Variants in PDE4B observed in about 807,000 individuals in gnomAD.
PDE4B encodes the protein phosphodiesterase 4B, also known as 3',5'-cyclic-AMP phosphodiesterase 4B.
A neutral mutation model predicts 82.2 loss-of-function variants in PDE4B; 20 were observed. The ratio of observed to expected loss-of-function variants is 0.24; its 90% CI spans 0.17 to 0.35. The LOEUF is 0.35. PDE4B is among the 10% of genes least tolerant of loss of function. The probability of loss-of-function intolerance (pLI) is 1.00; values close to 1 mark genes in which losing one functional copy is unlikely to be tolerated. For synonymous variants in PDE4B, 320 were observed against 318.9 expected (o/e 1.00, Z -0.04); for missense variants, 655 against 907.2 (o/e 0.72, Z 3.57).
Position 66,226,934 on chromosome 1 carries a change from G to A in PDE4B, c.282-20526G>A, listed in dbSNP as rs191594132. Among the ~76,000 whole-genome samples, 165 of 152,284 alleles carry A rather than the reference G, an allele frequency of 1.1e-3. 1 individual carries two copies. Among genetic ancestry groups the A allele is most frequent in the Non-Finnish European group, 2.0e-3 (134 of 68,008 alleles). The stretch of plus-strand genomic sequence containing the variant: ...TTGAGTGAGGTTTGGAACTATTAAA[G>A]TGAACAGAATTACAAGGATAGGACA... On this transcript the variant is annotated intron_variant, in intron 3 of 16. Transcript: ENST00000341517.
chr1:66,005,103 G>T lies in PDE4B; in HGVS notation c.281+86268G>T, dbSNP rs143802455. 3.9e-5 allele frequency among the ~76,000 whole-genome samples: 6 copies of T among 152,144 alleles called. No individual in the cohort carries two copies. The East Asian group carries it at 1.2e-3, about 29-fold the overall frequency. The stretch of plus-strand genomic sequence containing the variant: ...AAAGAGCTTGACTTAAGTGCCGCAG[G>T]TGTATTTCGGTATATGTAAAGAGCA... On this transcript the variant is annotated intron_variant, in intron 3 of 16. Coordinates refer to ENST00000341517, the MANE Select transcript of PDE4B (RefSeq NM_002600.4).
intron 1 of PDE4B, among the ~76,000 whole-genome samples, chr1:65,822,546 A>G (rs995345594): frequency 2.6e-5 from 4 of 152,150 alleles, no homozygotes; most frequent in Non-Finnish European, 5.9e-5. Flanking sequence ...CAAAATTTGC[A>G]TGTTAGAACT....
chr1:66,309,362 C>A (rs1162221778), intron 7 of PDE4B, among the ~76,000 whole-genome samples: 1 of 152,198 alleles, frequency 6.6e-6, no homozygotes, highest in Non-Finnish European at 1.5e-5. Flanking sequence ...TGCTCAACCT[C>A]CCTTGAGACT....
At chr1:66,357,700 A>G (rs994018694) in intron 9 of PDE4B, among the ~76,000 whole-genome samples, 29 of 152,214 alleles carry the variant, frequency 1.9e-4, no homozygotes, top group Middle Eastern at 3.4e-3. Context: ...CCCATCAAAC[A>G]GACTAGACGG....
intron 1 of PDE4B, among the ~76,000 whole-genome samples, chr1:65,909,745 A>G (rs1281782766): frequency 6.6e-6 from 1 of 152,180 alleles, no homozygotes; most frequent in African/African-American, 2.4e-5. Context: ...TTTATAAGGG[A>G]CAGTAATCTC....
intron 1 of PDE4B, among the ~76,000 whole-genome samples, chr1:65,885,750 T>C (rs1253500192): frequency 6.6e-6 from 1 of 151,830 alleles, no homozygotes; most frequent in African/African-American, 2.4e-5. Context: ...TTAGGAGATA[T>C]ACCTAATGTA....
chr1:66,033,017 C>T (rs1263590427), intron 3 of PDE4B, among the ~76,000 whole-genome samples: 2 of 152,258 alleles, frequency 1.3e-5, no homozygotes, highest in South Asian at 2.1e-4. Flanking sequence ...TCGCTTCCTT[C>T]TCTTCTTCCT....
intron 3 of PDE4B, among the ~76,000 whole-genome samples, chr1:66,204,273 C>T (rs1166353151): frequency 1.3e-5 from 2 of 152,236 alleles, no homozygotes; most frequent in African/African-American, 4.8e-5. Flanking sequence ...CAGTACCTCC[C>T]AGTTAGGCTG....
chr1:66,228,409 G>A (rs1651636764), intron 3 of PDE4B, among the ~76,000 whole-genome samples: 3 of 152,084 alleles, frequency 2.0e-5, no homozygotes, highest in South Asian at 4.2e-4. Context: ...CGGATCACGA[G>A]GTCAGGAGAT....
At chr1:66,056,783 G>T (rs1326728860) in intron 3 of PDE4B, among the ~76,000 whole-genome samples, 1 of 152,108 alleles carries the variant, frequency 6.6e-6, no homozygotes, top group African/African-American at 2.4e-5. Flanking sequence ...AAGAAATGCA[G>T]GTCATGTTTG....
intron 3 of PDE4B, among the ~76,000 whole-genome samples, chr1:66,164,779 C>T (rs1646694788): frequency 8.9e-6 from 1 of 111,974 alleles, no homozygotes. Flanking sequence ...TTTTTTGAGA[C>T]AGAGTCTCGC....
intron 3 of PDE4B, among the ~76,000 whole-genome samples, chr1:65,964,919 A>C (rs1649735670): frequency 6.6e-6 from 1 of 151,830 alleles, no homozygotes; most frequent in African/African-American, 2.4e-5. Context: ...ATATCTGGGG[A>C]GAGTGATTAA....
chr1:66,278,663 T>A (rs796488638), intron 7 of PDE4B, among the ~76,000 whole-genome samples: 2 of 152,196 alleles, frequency 1.3e-5, no homozygotes, highest in African/African-American at 4.8e-5. Context: ...ACACCTTTAG[T>A]GTAGTGAATA....
intron 3 of PDE4B, among the ~76,000 whole-genome samples, chr1:66,217,930 G>C (rs934596259): frequency 6.6e-6 from 1 of 152,110 alleles, no homozygotes; most frequent in African/African-American, 2.4e-5. Flanking sequence ...ATTTTGATAG[G>C]CAGTAAGAAG....
chr1:66,271,930 A>G (rs913992816), intron 7 of PDE4B, among the ~76,000 whole-genome samples: 2 of 152,254 alleles, frequency 1.3e-5, no homozygotes, highest in African/African-American at 2.4e-5. Context: ...ACTTTCTGCC[A>G]TCCCTGCGTG....
At chr1:65,868,988 G>T (rs1455262736) in intron 1 of PDE4B, among the ~76,000 whole-genome samples, 1 of 152,170 alleles carries the variant, frequency 6.6e-6, no homozygotes, top group Non-Finnish European at 1.5e-5. Context: ...CAAAAAGGTT[G>T]GGGACCACTG....
chr1:66,327,549 C>T (rs1005645603), intron 7 of PDE4B, among the ~76,000 whole-genome samples: 1 of 152,178 alleles, frequency 6.6e-6, no homozygotes, highest in African/African-American at 2.4e-5. Context: ...ATATTTAATA[C>T]TAAAAGGTTT....
rs983461159 is a variant in PDE4B at position 66,374,181 on chromosome 1, C to G, written c.*1503C>G. On this transcript the variant is annotated 3_prime_UTR_variant, in exon 17 of 17. Transcript: ENST00000341517. ...CTGACTTTGAAGAGGTAGCCTCCTG[C>G]CTGCCATTAAGCAGGAATGTCATGT... The G allele has an allele frequency of 6.5e-6, 1 of 152,696 alleles. No homozygotes were observed. The highest frequency in any genetic ancestry group is 2.4e-5 in the African/African-American group (1 of 41,546). 9.5% of individuals were successfully genotyped at this position (152,696 alleles called of 1,614,324 possible). A position where few individuals can be genotyped will look rare whatever the true frequency, so the allele number is the denominator to read the frequency against.
At chr1:66,360,051 C>G (rs1662626945) in intron 9 of PDE4B, among the ~76,000 whole-genome samples, 1 of 152,066 alleles carries the variant, frequency 6.6e-6, no homozygotes, top group Non-Finnish European at 1.5e-5. Context: ...ATCCAAGTCA[C>G]TTGGGAATCT....
Sources: gnomAD v4.1 joint callset for allele counts (sites outside exome capture counted in the v4.1 genomes callset) on GRCh38, gnomAD v4.1.1 for gene constraint, MANE v1.5 for transcripts, NCBI Gene and HGNC (gene_info 2026-07-23, HGNC 2026-07-21) for gene names.